Variants in VAMP3 observed in about 807,000 individuals in gnomAD.
VAMP3 encodes the protein vesicle associated membrane protein 3, also known as vesicle-associated membrane protein 3.
A neutral mutation model predicts 18.1 loss-of-function variants in VAMP3; 11 were observed. The ratio of observed to expected loss-of-function variants is 0.61; its 90% CI spans 0.38 to 1.00. The LOEUF (loss-of-function observed/expected upper bound fraction) is 1.00, where lower values mean the gene tolerates loss of function less well. Ranked by LOEUF, VAMP3 falls within the 50% of genes least tolerant of loss-of-function variation. The pLI is 0.01. For synonymous variants in VAMP3, 49 were observed against 43.1 expected, an observed-to-expected ratio of 1.14 and a Z score of -0.53; for missense variants, 122 against 127.3, an observed-to-expected ratio of 0.96 and a Z score of 0.20.
At chr1:7,778,967 G>A (rs911824091) in intron 4 of VAMP3, among the ~76,000 whole-genome samples, 4 of 152,092 alleles carry the variant, frequency 2.6e-5, no homozygotes, top group Non-Finnish European at 4.4e-5. Context: ...AGGCTGAGGC[G>A]GGCAGATCAC....
intron 2 of VAMP3, among the ~76,000 whole-genome samples, chr1:7,775,132 T>G (rs1452813990): frequency 6.6e-6 from 1 of 152,210 alleles, no homozygotes; most frequent in Non-Finnish European, 1.5e-5. Flanking sequence ...CTCTAATGAT[T>G]AGTGATGTTA....
In VAMP3 at chr1:7,778,150, CT is replaced by C; in HGVS notation, c.266del (p.Phe89SerfsTer32). 6.2e-7 allele frequency: 1 copy of C among 1,614,132 alleles called. No homozygotes were observed. Among genetic ancestry groups the C allele is most frequent in the East Asian group, 2.2e-5 (1 of 44,890 alleles). On this transcript the variant is annotated frameshift_variant, in exon 4 of 5. Transcript: ENST00000054666. LOFTEE classifies it high-confidence loss of function. Reference protein sequence around the residue: ...WAIGITVLVIFIIIIIVWVVS... With the variant: ...WAIGITVLVIXIIIIIVWVVS... ...CAATCGGGATTACTGTTCTGGTTAT[CT>C]TCATCATCATCATCATCGGTGAGTT...
At chr1:7,775,018 C>G (rs2097053555) in intron 2 of VAMP3, among the ~76,000 whole-genome samples, 2 of 152,220 alleles carry the variant, frequency 1.3e-5, no homozygotes, top group Non-Finnish European at 2.9e-5. Flanking sequence ...ATTTTCCCAC[C>G]AGCAATGTCC....
chr1:7,771,454 A>G (rs2097050569), intron 1 of VAMP3, 69 bp downstream of exon 1: 9 of 1,466,022 alleles, frequency 6.1e-6, no homozygotes, highest in Non-Finnish European at 8.1e-6. Context: ...GGACCGCCAT[A>G]CTGCCCAGTT....
chr1:7,772,649 G>C (rs1479097098), intron 1 of VAMP3: 1 of 152,482 alleles, frequency 6.6e-6, no homozygotes, highest in Admixed American at 6.5e-5. Context: ...AGCACTTTGG[G>C]AGGCCGAGGT....
At chr1:7,771,422 C>A in intron 1 of VAMP3, 37 bp downstream of exon 1, 1 of 1,540,648 alleles carries the variant, frequency 6.5e-7, no homozygotes, top group Non-Finnish European at 8.7e-7. Context: ...GCTTCGGGCC[C>A]CGCAGGCGGC....
In VAMP3 at chr1:7,773,498, A is replaced by G. The variant is rs759987707; in HGVS notation, c.59A>G (p.Asn20Ser). Reference protein sequence around the residue: ...GSNRRLQQTQNQVDEVVDIMR... With the variant: ...GSNRRLQQTQSQVDEVVDIMR... ...AATCGAAGACTTCAGCAGACACAAA[A>G]TCAAGTAGATGAGGTATTGCTCTGA... The change falls in exon 2 of 5, where the codon AAT becomes AGT. Residue 20 changes from asparagine to serine, a missense_variant. Coordinates refer to ENST00000054666, the MANE Select transcript of VAMP3 (RefSeq NM_004781.4). The G allele has an allele frequency of 3.7e-6, 6 of 1,613,992 alleles. No homozygotes were observed. Among genetic ancestry groups the G allele is most frequent in the Non-Finnish European group, 5.1e-6 (6 of 1,179,982 alleles).
rs578057762 is a variant in VAMP3 at position 7,774,197 on chromosome 1, G to C, written c.72+686G>C. ...TGCATTTAGCTGCCCTGAAAAAACA[G>C]TTAAAGTTATGTCAGATACTGTTGT... On this transcript the variant is annotated intron_variant, in intron 2 of 4. Coordinates refer to ENST00000054666, the MANE Select transcript of VAMP3 (RefSeq NM_004781.4). 1.7e-3 allele frequency among the ~76,000 whole-genome samples: 260 copies of C among 152,294 alleles called. 1 individual carries two copies. Among genetic ancestry groups the C allele is most frequent in the African/African-American group, 5.9e-3 (246 of 41,554 alleles).
rs1577567468 is a variant in VAMP3, at chr1:7,780,795, C to G, written c.*1150C>G. The G allele has an allele frequency of 4.6e-5, 7 of 152,376 alleles. No individual in the cohort carries two copies. 9.4% of individuals were successfully genotyped at this position (152,376 alleles called of 1,614,324 possible). ...ATTATGCCTGCAATTAGGCATTGGT[C>G]AGGGGTGAATGGCTCTTTTCACAGA... is the stretch of plus-strand genomic sequence containing the variant. On this transcript the variant is annotated 3_prime_UTR_variant, in exon 5 of 5. Coordinates refer to ENST00000054666, the MANE Select transcript of VAMP3 (RefSeq NM_004781.4).
chr1:7,779,803 A>G lies in VAMP3; in HGVS notation c.*158A>G. On this transcript the variant is annotated 3_prime_UTR_variant, in exon 5 of 5. Coordinates refer to ENST00000054666, the MANE Select transcript of VAMP3 (RefSeq NM_004781.4). The stretch of plus-strand genomic sequence containing the variant: ...AGGAAACGTGCCTTTGTTTTTTAAT[A>G]TGCACTCCAAATTAGAAGGCCGGCC... 7.6e-6 allele frequency: 7 copies of G among 922,812 alleles called. No homozygotes were observed. The highest frequency in any genetic ancestry group is 1.1e-5 in the Non-Finnish European group (7 of 612,856). 57.2% of individuals were successfully genotyped at this position (922,812 alleles called of 1,614,324 possible). A position where few individuals can be genotyped will look rare whatever the true frequency, so the allele number is the denominator to read the frequency against.
chr1:7,771,318 C>T lies in VAMP3; in HGVS notation c.-66C>T. On this transcript the variant is annotated 5_prime_UTR_variant, in exon 1 of 5. Transcript: ENST00000054666. ...GCCGTCCCACCCATCTCCCTGGCCT[C>T]CGGTCCCAACTTCGCTTCTCTGCTG... 1.3e-6 allele frequency: 2 copies of T among 1,586,024 alleles called. No homozygotes were observed. The highest frequency in any genetic ancestry group is 1.7e-6 in the Non-Finnish European group (2 of 1,169,034).
Position 7,771,331 on chromosome 1 carries a change from C to T in VAMP3, c.-53C>T. On this transcript the variant is annotated 5_prime_UTR_variant, in exon 1 of 5. Coordinates refer to ENST00000054666, the MANE Select transcript of VAMP3 (RefSeq NM_004781.4). ...TCTCCCTGGCCTCCGGTCCCAACTT[C>T]GCTTCTCTGCTGACCCTCTCTCGTC... The T allele has an allele frequency of 6.3e-7, 1 of 1,593,742 alleles. No individual in the cohort carries two copies. The highest frequency in any genetic ancestry group is 1.7e-5 in the Admixed American group (1 of 59,104).
chr1:7,775,509 G>A (rs865943292), intron 2 of VAMP3, among the ~76,000 whole-genome samples: 4 of 151,842 alleles, frequency 2.6e-5, no homozygotes, highest in East Asian at 1.9e-4. Context: ...CACCTTGCCC[G>A]GCTAATTTTT....
At position 7,781,265 on chromosome 1, in the gene VAMP3, T is replaced by C. The variant is rs1413728340; in HGVS notation, c.*1620T>C. ...TAGTCCACCTTCAGCGCAGGGTCTC[T>C]GGCCGGGTCTGACTCAGAAACCTTG... On this transcript the variant is annotated 3_prime_UTR_variant, in exon 5 of 5. Coordinates refer to ENST00000054666, the MANE Select transcript of VAMP3 (RefSeq NM_004781.4). 2 of 152,858 alleles carry C rather than the reference T, an allele frequency of 1.3e-5. No individual in the cohort carries two copies. Among genetic ancestry groups the C allele is most frequent in the Non-Finnish European group, 1.5e-5 (1 of 68,080 alleles). The allele number at this position is 152,858 out of a possible 1,614,324, so 9.5% of individuals were successfully genotyped here.
rs745721225 is a variant in VAMP3, at chr1:7,773,448, A to G, written c.9A>G (p.Thr3=). The change falls in exon 2 of 5, where the codon ACA becomes ACG. Residue 3 remains threonine (T), a synonymous_variant. Transcript: ENST00000054666. The part of the protein sequence containing the change: MS[T]GPTAATGSNR... ...ATGCCTTTACATGTTCCAGGTCTAC[A>G]GGTCCAACTGCTGCCACTGGCAGTA... is the stretch of plus-strand genomic sequence containing the variant. The G allele has an allele frequency of 3.1e-6, 5 of 1,614,122 alleles. No homozygotes were observed. Among genetic ancestry groups the G allele is most frequent in the South Asian group, 2.2e-5 (2 of 91,080 alleles).
chr1:7,771,475 G>A lies in VAMP3; in HGVS notation c.2+90G>A. On this transcript the variant is annotated intron_variant, in intron 1 of 4. Transcript: ENST00000054666. The stretch of plus-strand genomic sequence containing the variant: ...CCATACTGCCCAGTTGCCGCCGGCC[G>A]CCACTCGGACGCAGGCCGGGGCTGC... 3.6e-6 allele frequency: 5 copies of A among 1,399,522 alleles called. No individual in the cohort carries two copies. The South Asian group carries it at 4.5e-5, about 13-fold the overall frequency. 86.7% of individuals were successfully genotyped at this position (1,399,522 alleles called of 1,614,324 possible).
In VAMP3 at chr1:7,777,238, G is replaced by T; in HGVS notation, c.151G>T (p.Asp51Tyr). Residue 51 changes from aspartate to tyrosine, a missense_variant, in exon 3 of 5, where the codon GAC becomes TAC. Asp to Tyr is a radical substitution (Grantham distance 160). Coordinates refer to ENST00000054666, the MANE Select transcript of VAMP3 (RefSeq NM_004781.4). ...QKLSELDDRA[D>Y]ALQAGASQFE... ...GCTCTCTGAGTTAGACGACCGTGCAGACGCACTGCAGGCAGGCGCTTCTCA... is the reference window on the plus strand; with the variant it reads ...GCTCTCTGAGTTAGACGACCGTGCATACGCACTGCAGGCAGGCGCTTCTCA... 6.2e-7 allele frequency: 1 copy of T among 1,613,920 alleles called. No individual in the cohort carries two copies.
At chr1:7,773,729 T>C (rs1017641313) in intron 2 of VAMP3, among the ~76,000 whole-genome samples, 1 of 152,192 alleles carries the variant, frequency 6.6e-6, no homozygotes, top group African/African-American at 2.4e-5. Flanking sequence ...AGAAACCTGC[T>C]CATAACATTT....
At chr1:7,777,393 T>C (rs1011430570) in intron 3 of VAMP3, 75 bp downstream of exon 3, 7 of 1,506,412 alleles carry the variant, frequency 4.6e-6, no homozygotes, top group African/African-American at 2.8e-5. Context: ...CTACAGATAA[T>C]GGACTTTCAC....
Sources: gnomAD v4.1 joint callset for allele counts (sites outside exome capture counted in the v4.1 genomes callset) on GRCh38, gnomAD v4.1.1 for gene constraint, MANE v1.5 for transcripts, NCBI Gene and HGNC (gene_info 2026-07-23, HGNC 2026-07-21) for gene names.